PPM1E: variants seen among roughly 807,000 people sequenced by gnomAD.
PPM1E encodes the protein protein phosphatase, Mg2+/Mn2+ dependent 1E, also known as protein phosphatase 1E.
PPM1E carries 20 observed loss-of-function variants against 65.9 expected under a neutral mutation model. That is an observed-to-expected ratio of 0.30 (90% CI 0.21 to 0.44). The LOEUF (loss-of-function observed/expected upper bound fraction) is 0.44, where lower values mean the gene tolerates loss of function less well. Ranked by LOEUF, PPM1E falls within the 20% of genes least tolerant of loss-of-function variation. The probability of loss-of-function intolerance (pLI) is 1.00; values close to 1 mark genes in which losing one functional copy is unlikely to be tolerated. For synonymous variants in PPM1E, 352 were observed against 374.9 expected (o/e 0.94, Z 0.70); for missense variants, 713 against 953.1 (o/e 0.75, Z 3.32).
intron 1 of PPM1E, among the ~76,000 whole-genome samples, chr17:58,816,817 A>T (rs2050430628): frequency 9.2e-6 from 1 of 108,904 alleles, no homozygotes. Flanking sequence ...TTTTTTTGAG[A>T]CAGGGTCTTA....
At chr17:58,776,821 G>A (rs2049998681) in intron 1 of PPM1E, among the ~76,000 whole-genome samples, 1 of 152,098 alleles carries the variant, frequency 6.6e-6, no homozygotes, top group South Asian at 2.1e-4. Flanking sequence ...TTATAATCAG[G>A]ACAGCTCAGA....
intron 1 of PPM1E, among the ~76,000 whole-genome samples, chr17:58,785,802 A>G (rs889849682): frequency 2.0e-4 from 30 of 151,870 alleles, no homozygotes; most frequent in African/African-American, 6.8e-4. Context: ...TTTTCCACCC[A>G]CAAATTTACT....
intron 1 of PPM1E, among the ~76,000 whole-genome samples, chr17:58,881,996 C>CAAAAAAAAAAA (rs58449667): frequency 1.6e-5 from 1 of 62,258 alleles, no homozygotes; most frequent in African/African-American, 6.6e-5. Flanking sequence ...CCTGTCTCTA[C>CAAAAAAAAAAA]AAAAAAAAAA....
chr17:58,772,336 G>A (rs568951552), intron 1 of PPM1E, among the ~76,000 whole-genome samples: 1 of 152,098 alleles, frequency 6.6e-6, no homozygotes, highest in East Asian at 1.9e-4. Flanking sequence ...TGCGCCTGTA[G>A]CCCCAGCTAC....
chr17:58,869,285 A>C (rs552333670), intron 1 of PPM1E, among the ~76,000 whole-genome samples: 14 of 152,322 alleles, frequency 9.2e-5, no homozygotes, highest in African/African-American at 3.4e-4. Flanking sequence ...GTGTGACATC[A>C]AAGGCTTGAT....
chr17:58,884,901 GTCTTATTT>G (rs1401703437), intron 1 of PPM1E, among the ~76,000 whole-genome samples: 1 of 146,266 alleles, frequency 6.8e-6, no homozygotes, highest in East Asian at 1.9e-4. Context: ...TCTTTTCTCT[GTCTTATTT>G]TCCTAGAACT....
At chr17:58,763,124 A>G (rs1204859345) in intron 1 of PPM1E, among the ~76,000 whole-genome samples, 2 of 152,262 alleles carry the variant, frequency 1.3e-5, no homozygotes, top group South Asian at 2.1e-4. Context: ...TCTAATGGAT[A>G]CATCCCCAAA....
chr17:58,779,777 A>AT (rs1382974069), intron 1 of PPM1E, among the ~76,000 whole-genome samples: 1 of 152,156 alleles, frequency 6.6e-6, no homozygotes, highest in African/African-American at 2.4e-5. Context: ...ATTTTTTCAG[A>AT]TTTTTGTATG....
At chr17:58,867,492 A>G (rs1007378507) in intron 1 of PPM1E, among the ~76,000 whole-genome samples, 7 of 152,030 alleles carry the variant, frequency 4.6e-5, no homozygotes, top group African/African-American at 1.7e-4. Context: ...TACAGCTCTT[A>G]CTCCCTCCAA....
intron 1 of PPM1E, among the ~76,000 whole-genome samples, chr17:58,790,658 G>A (rs943753356): frequency 9.2e-5 from 14 of 152,060 alleles, no homozygotes; most frequent in Non-Finnish European, 1.9e-4. Context: ...TCACTCTGTT[G>A]CAAGAAGCTC....
chr17:58,945,391 C>T (rs2052135941), intron 1 of PPM1E, among the ~76,000 whole-genome samples: 1 of 152,218 alleles, frequency 6.6e-6, no homozygotes, highest in Non-Finnish European at 1.5e-5. Flanking sequence ...GATCGTCCCG[C>T]CTTGGCCTCC....
intron 1 of PPM1E, among the ~76,000 whole-genome samples, chr17:58,819,058 A>C (rs1203139714): frequency 2.0e-5 from 3 of 152,190 alleles, no homozygotes; most frequent in Non-Finnish European, 4.4e-5. Flanking sequence ...CTCTTTATAA[A>C]TCTTTATCAA....
At chr17:58,921,857 A>C (rs1322117864) in intron 1 of PPM1E, among the ~76,000 whole-genome samples, 1 of 151,906 alleles carries the variant, frequency 6.6e-6, no homozygotes, top group Non-Finnish European at 1.5e-5. Context: ...GCTGGCTAAC[A>C]TGGTAAAACC....
intron 6 of PPM1E, among the ~76,000 whole-genome samples, chr17:58,977,377 A>G (rs1268047946): frequency 6.7e-6 from 1 of 149,956 alleles, no homozygotes. Context: ...CGGGAGGTGG[A>G]GGTTGCAATG....
intron 1 of PPM1E, among the ~76,000 whole-genome samples, chr17:58,805,661 A>G (rs984915153): frequency 3.9e-5 from 6 of 152,264 alleles, no homozygotes; most frequent in East Asian, 1.9e-4. Context: ...CAGATATTTC[A>G]TAATAATAAT....
chr17:58,874,034 A>C (rs762887500), intron 1 of PPM1E, among the ~76,000 whole-genome samples: 2 of 152,220 alleles, frequency 1.3e-5, no homozygotes, highest in African/African-American at 4.8e-5. Context: ...TTCGTTGGGC[A>C]GACTCAAAAA....
chr17:58,783,176 G>A (rs2050066270), intron 1 of PPM1E, among the ~76,000 whole-genome samples: 1 of 152,192 alleles, frequency 6.6e-6, no homozygotes, highest in Admixed American at 6.5e-5. Flanking sequence ...TTGACAGCAT[G>A]ATGATCACAT....
intron 1 of PPM1E, among the ~76,000 whole-genome samples, chr17:58,824,566 A>G (rs2050513072): frequency 6.6e-6 from 1 of 151,666 alleles, no homozygotes. Flanking sequence ...TTAGCTGCTA[A>G]TAATGCTGTT....
chr17:58,782,695 A>G (rs903208860), intron 1 of PPM1E, among the ~76,000 whole-genome samples: 1 of 151,972 alleles, frequency 6.6e-6, no homozygotes, highest in Non-Finnish European at 1.5e-5. Flanking sequence ...TACAGGCATG[A>G]ACCACCGTAC....
Sources: gnomAD v4.1 joint callset for allele counts (sites outside exome capture counted in the v4.1 genomes callset) on GRCh38, gnomAD v4.1.1 for gene constraint, MANE v1.5 for transcripts, NCBI Gene and HGNC (gene_info 2026-07-23, HGNC 2026-07-21) for gene names.